The following CEP57 variants were observed in gnomAD, a reference collection of about 807,000 sequenced individuals.
CEP57 encodes centrosomal protein of 57 kDa.
A neutral mutation model predicts 68.0 loss-of-function variants in CEP57; 40 were observed. That is an observed-to-expected ratio of 0.59 (90% CI 0.46 to 0.77). CEP57 has a LOEUF of 0.77. Among genes scored for constraint, CEP57 ranks in the 30% least tolerant of loss-of-function variants. CEP57 has a pLI of 0.00. For missense variants in CEP57, 606 were observed against 580.7 expected, an observed-to-expected ratio of 1.04 and a Z score of -0.45; for synonymous variants, 219 against 198.7, an observed-to-expected ratio of 1.10 and a Z score of -0.86.
At chr11:95,814,747 C>CT (rs1862229873) in intron 4 of CEP57, among the ~76,000 whole-genome samples, 2 of 152,014 alleles carry the variant, frequency 1.3e-5, no homozygotes, top group African/African-American at 2.4e-5. Flanking sequence ...CATCTTAACT[C>CT]TATTATAAAA....
chr11:95,813,168 T>G (rs1369939235), intron 3 of CEP57, 57 bp downstream of exon 3: 6 of 1,525,736 alleles, frequency 3.9e-6, no homozygotes, highest in Non-Finnish European at 5.4e-6. Context: ...CAGTATTAAG[T>G]ATTCTAAAAG....
rs954352497 is a variant in CEP57 at position 95,831,466 on chromosome 11, C to T, written c.*210C>T. The T allele has an allele frequency of 1.7e-5, 8 of 467,982 alleles. No homozygotes were observed. Among genetic ancestry groups the T allele is most frequent in the African/African-American group, 1.6e-4 (8 of 50,812 alleles). The allele number at this position is 467,982 out of a possible 1,614,324, so 29.0% of individuals were successfully genotyped here. A position where few individuals can be genotyped will look rare whatever the true frequency, so the allele number is the denominator to read the frequency against. ...ATGGAAACCAGGGGAGTTTTAAAGC[C>T]CGAGAAACCACACATAATCTTTTGT... On this transcript the variant is annotated 3_prime_UTR_variant, in exon 11 of 11. Transcript: ENST00000325542.
At chr11:95,798,865 G>A (rs942632391) in intron 1 of CEP57, among the ~76,000 whole-genome samples, 4 of 152,152 alleles carry the variant, frequency 2.6e-5, no homozygotes, top group Non-Finnish European at 5.9e-5. Flanking sequence ...GAGTAATTCA[G>A]TCATTTGTAG....
At chr11:95,795,719 C>G (rs1861313568) in intron 1 of CEP57, among the ~76,000 whole-genome samples, 1 of 152,058 alleles carries the variant, frequency 6.6e-6, no homozygotes, top group Non-Finnish European at 1.5e-5. Flanking sequence ...GAATGCTTTT[C>G]TACATTTGTT....
intron 2 of CEP57, among the ~76,000 whole-genome samples, chr11:95,800,186 T>C (rs1482393480): frequency 6.6e-6 from 1 of 152,214 alleles, no homozygotes; most frequent in African/African-American, 2.4e-5. Flanking sequence ...TGTTCTTTAC[T>C]AGAGGCTCTG....
chr11:95,819,088 AAC>A (rs1157391519), intron 6 of CEP57, among the ~76,000 whole-genome samples, 184 bp downstream of exon 6: 5 of 152,332 alleles, frequency 3.3e-5, no homozygotes, highest in Non-Finnish European at 5.9e-5. Context: ...GTAAAATTTG[AAC>A]AGTTTTTTAG....
At position 95,831,965 on chromosome 11, in the gene CEP57, G is replaced by A. The variant is rs1266901187; in HGVS notation, c.*709G>A. 1 of 152,070 alleles carries A rather than the reference G, an allele frequency of 6.6e-6. No homozygotes were observed. Among genetic ancestry groups the A allele is most frequent in the African/African-American group, 2.4e-5 (1 of 41,432 alleles). 9.4% of individuals were successfully genotyped at this position (152,070 alleles called of 1,614,324 possible). ...TAAATGAGATTTTGGAATAAAGTGA[G>A]AATGGGAGAAGGGATATGTTGTGAG... On this transcript the variant is annotated 3_prime_UTR_variant, in exon 11 of 11. Transcript: ENST00000325542.
chr11:95,801,903 G>A (rs1861595684), intron 2 of CEP57, among the ~76,000 whole-genome samples: 1 of 152,124 alleles, frequency 6.6e-6, no homozygotes, highest in Non-Finnish European at 1.5e-5. Flanking sequence ...ATGATGCGGT[G>A]AACTATTTAA....
chr11:95,813,097 C>G lies in CEP57; in HGVS notation c.368C>G (p.Ser123Ter). Residue 123 changes from serine (S) to a stop codon, truncating the protein, a stop_gained, in exon 3 of 11, where the codon TCA (serine) becomes TGA (stop). Coordinates refer to ENST00000325542, the MANE Select transcript of CEP57 (RefSeq NM_014679.5). LOFTEE classifies it high-confidence loss of function. Reference sequence around the variant, plus strand: ...AGGGAGAATTCAAAGAATGAGGAATCAAAGCACAATCAAGGTTTGTTGATG... The same window carrying G: ...AGGGAGAATTCAAAGAATGAGGAATGAAAGCACAATCAAGGTTTGTTGATG... ...QERENSKNEE[S>*]KHNQELTSQL... is the part of the protein sequence containing the mutation. 1 of 1,612,556 alleles carries G rather than the reference C, an allele frequency of 6.2e-7. No homozygotes were observed. Among genetic ancestry groups the G allele is most frequent in the Non-Finnish European group, 8.5e-7 (1 of 1,179,836 alleles).
chr11:95,818,535 A>G (rs1444046414), intron 5 of CEP57, among the ~76,000 whole-genome samples: 1 of 152,194 alleles, frequency 6.6e-6, no homozygotes, highest in African/African-American at 2.4e-5. Context: ...TACCACTGAT[A>G]ATAAAGTTCC....
At chr11:95,793,477 C>T (rs989216450) in intron 1 of CEP57, among the ~76,000 whole-genome samples, 3 of 152,064 alleles carry the variant, frequency 2.0e-5, no homozygotes, top group Non-Finnish European at 4.4e-5. Context: ...TGTTTTATGG[C>T]TATCATACAT....
rs1304999941 is a variant in CEP57, at chr11:95,831,316, C to G, written c.*60C>G. 8 of 1,184,296 alleles carry G rather than the reference C, an allele frequency of 6.8e-6. No homozygotes were observed. Among genetic ancestry groups the G allele is most frequent in the Non-Finnish European group, 1.0e-5 (8 of 801,126 alleles). 73.4% of individuals were successfully genotyped at this position (1,184,296 alleles called of 1,614,324 possible). On this transcript the variant is annotated 3_prime_UTR_variant, in exon 11 of 11. Coordinates refer to ENST00000325542, the MANE Select transcript of CEP57 (RefSeq NM_014679.5). ...CTGTACCTCATCAATCAGATGATGA[C>G]AATTTACTTCCCAGGTCTCATACTC...
At chr11:95,816,829 G>A (rs1337100649) in intron 4 of CEP57, among the ~76,000 whole-genome samples, 10 of 151,998 alleles carry the variant, frequency 6.6e-5, no homozygotes, top group Non-Finnish European at 1.5e-4. Flanking sequence ...TGGCCAACAT[G>A]GTGAAACCCC....
intron 8 of CEP57, chr11:95,827,042 T>C (rs2135370404): frequency 6.6e-6 from 1 of 152,376 alleles, no homozygotes; most frequent in Admixed American, 6.5e-5. Context: ...TTTGGTGTGC[T>C]GCCTAGGAAC....
intron 2 of CEP57, among the ~76,000 whole-genome samples, chr11:95,808,605 CAAA>C (rs1457551969): frequency 2.0e-5 from 3 of 151,862 alleles, no homozygotes; most frequent in Non-Finnish European, 2.9e-5. Flanking sequence ...TCAAAAGAGA[CAAA>C]GAAGGCCATT....
intron 1 of CEP57, among the ~76,000 whole-genome samples, 195 bp downstream of exon 1, chr11:95,790,938 A>C (rs1222881107): frequency 6.6e-6 from 1 of 152,218 alleles, no homozygotes; most frequent in Non-Finnish European, 1.5e-5. Flanking sequence ...GCTCCCAGTG[A>C]AACTGGGCTG....
At chr11:95,803,843 A>C (rs530824993) in intron 2 of CEP57, among the ~76,000 whole-genome samples, 23 of 152,236 alleles carry the variant, frequency 1.5e-4, no homozygotes, top group Non-Finnish European at 2.6e-4. Flanking sequence ...CCAAGAAGAC[A>C]AGCAAGCATT....
Position 95,810,046 on chromosome 11 carries a change from G to A in CEP57, c.203-2886G>A, listed in dbSNP as rs192575530. ...CTCTGGGATGCAAGGCTGGTTCAAC[G>A]TACACAAATCAGTAAACGTAATTCA... is the stretch of plus-strand genomic sequence containing the variant. On this transcript the variant is annotated intron_variant, in intron 2 of 10. Transcript: ENST00000325542. 3.4e-4 allele frequency among the ~76,000 whole-genome samples: 52 copies of A among 152,008 alleles called. No individual in the cohort carries two copies. The East Asian group carries it at 9.3e-3, about 27-fold the overall frequency.
chr11:95,791,368 C>T (rs569882205), intron 1 of CEP57, among the ~76,000 whole-genome samples: 18 of 152,256 alleles, frequency 1.2e-4, no homozygotes, highest in Admixed American at 7.2e-4. Context: ...TTGTTTTCGC[C>T]TCATCAAATG....
Sources: allele counts gnomAD v4.1 joint callset (sites outside exome capture counted in the v4.1 genomes callset), GRCh38; gene constraint gnomAD v4.1.1; transcripts MANE v1.5; gene names NCBI Gene and HGNC (gene_info 2026-07-23, HGNC 2026-07-21).